Variants in ZCWPW2 observed in about 807,000 individuals in gnomAD.
ZCWPW2 encodes zinc finger CW-type PWWP domain protein 2.
In ZCWPW2, 45 loss-of-function variants were observed where a neutral mutation model predicts 46.6. The ratio of observed to expected loss-of-function variants is 0.96; its 90% CI spans 0.76 to 1.24. The LOEUF is 1.24. Ranked by LOEUF, ZCWPW2 falls within the 50% of genes most tolerant of loss-of-function variation. The pLI is 0.00. For synonymous variants in ZCWPW2, 152 were observed against 137.1 expected (o/e 1.11, Z -0.76); for missense variants, 429 against 403.9 (o/e 1.06, Z -0.53).
intron 1 of ZCWPW2, among the ~76,000 whole-genome samples, chr3:28,365,125 T>C (rs1444874054): frequency 6.6e-6 from 1 of 151,342 alleles, no homozygotes; most frequent in African/African-American, 2.4e-5. Context: ...GTAGTTTCTT[T>C]TGCTGTGCAG....
intron 4 of ZCWPW2, among the ~76,000 whole-genome samples, chr3:28,435,635 G>A (rs1415170125): frequency 6.6e-6 from 1 of 151,678 alleles, no homozygotes; most frequent in Non-Finnish European, 1.5e-5. Flanking sequence ...ACAGGTGCCC[G>A]CCACCATGCA....
At chr3:28,493,123 A>ATTTTT (rs1431021460) in intron 6 of ZCWPW2, among the ~76,000 whole-genome samples, 2 of 52,754 alleles carry the variant, frequency 3.8e-5, no homozygotes, top group African/African-American at 7.6e-5. Flanking sequence ...GTTTATCTTT[A>ATTTTT]TTTTTTTTTA....
At chr3:28,396,957 C>T (rs112340993) in intron 2 of ZCWPW2, among the ~76,000 whole-genome samples, 3,121 of 151,838 alleles carry the variant, frequency 0.021, 106 homozygotes, top group African/African-American at 0.062. Flanking sequence ...GGCAAAACTC[C>T]GTCTCTATTA....
At chr3:28,449,636 A>G (rs1328250364) in intron 4 of ZCWPW2, among the ~76,000 whole-genome samples, 4 of 152,170 alleles carry the variant, frequency 2.6e-5, no homozygotes, top group Non-Finnish European at 4.4e-5. Context: ...TGTATTTAGT[A>G]ACACCAAACT....
chr3:28,404,068 A>G (rs1696056788), intron 2 of ZCWPW2, among the ~76,000 whole-genome samples: 1 of 152,116 alleles, frequency 6.6e-6, no homozygotes, highest in Non-Finnish European at 1.5e-5. Flanking sequence ...GAGCTTTTGT[A>G]TGGCAAAGGA....
At chr3:28,446,027 G>A (rs1223607340) in intron 4 of ZCWPW2, among the ~76,000 whole-genome samples, 1 of 151,982 alleles carries the variant, frequency 6.6e-6, no homozygotes, top group Non-Finnish European at 1.5e-5. Flanking sequence ...AACATATGAA[G>A]CAAAATCTTC....
chr3:28,384,084 C>T (rs902873982), intron 1 of ZCWPW2, among the ~76,000 whole-genome samples: 1 of 152,070 alleles, frequency 6.6e-6, no homozygotes, highest in South Asian at 2.1e-4. Context: ...CATTTTCCTC[C>T]ATATTTTAAA....
At chr3:28,360,290 G>T (rs1704888819) in intron 1 of ZCWPW2, among the ~76,000 whole-genome samples, 1 of 139,620 alleles carries the variant, frequency 7.2e-6, no homozygotes, top group African/African-American at 2.7e-5. Flanking sequence ...TGGATCACGA[G>T]ATCAGAAGAT....
intron 1 of ZCWPW2, among the ~76,000 whole-genome samples, chr3:28,383,526 G>A (rs961360807): frequency 5.9e-5 from 9 of 151,930 alleles, no homozygotes; most frequent in African/African-American, 2.2e-4. Context: ...TGTAAAATGG[G>A]CATTTGGTGT....
At position 28,524,807 on chromosome 3, in the gene ZCWPW2, C is replaced by T. The variant is rs144499014; in HGVS notation, c.*119C>T. The T allele has an allele frequency of 5.9e-5, 50 of 850,716 alleles. 1 individual carries two copies. The highest frequency in any genetic ancestry group is 4.1e-4 in the African/African-American group (23 of 56,238). 52.7% of individuals were successfully genotyped at this position (850,716 alleles called of 1,614,324 possible). On this transcript the variant is annotated 3_prime_UTR_variant, in exon 10 of 10. Coordinates refer to ENST00000383768, the MANE Select transcript of ZCWPW2 (RefSeq NM_001040432.4). ...TAAATTATACCAAAGTTTATATTTG[C>T]GGTAACTTTCTACTTCATATTTTGA... is the stretch of plus-strand genomic sequence containing the variant.
intron 1 of ZCWPW2, among the ~76,000 whole-genome samples, chr3:28,382,469 C>T (rs1695141764): frequency 6.6e-6 from 1 of 152,050 alleles, no homozygotes; most frequent in Admixed American, 6.6e-5. Context: ...ACCCTAACTC[C>T]AAGTAGAGTA....
intron 6 of ZCWPW2, among the ~76,000 whole-genome samples, chr3:28,502,844 T>C (rs1700184478): frequency 6.6e-6 from 1 of 152,136 alleles, no homozygotes; most frequent in African/African-American, 2.4e-5. Context: ...GAGCGGTTTG[T>C]CTGAGAAAAT....
chr3:28,377,372 C>T (rs1304156967), intron 1 of ZCWPW2, among the ~76,000 whole-genome samples: 1 of 151,936 alleles, frequency 6.6e-6, no homozygotes, highest in Non-Finnish European at 1.5e-5. Flanking sequence ...CGTTATTACT[C>T]TTTGTTAGGA....
At chr3:28,376,573 G>A (rs1041624241) in intron 1 of ZCWPW2, among the ~76,000 whole-genome samples, 3 of 152,052 alleles carry the variant, frequency 2.0e-5, no homozygotes, top group Non-Finnish European at 4.4e-5. Flanking sequence ...GAACATAGAA[G>A]TCTGATTCTC....
At position 28,390,624 on chromosome 3, in the gene ZCWPW2, A is replaced by G. The variant is rs1695449090; in HGVS notation, c.-14+7A>G. The G allele has an allele frequency of 1.0e-6, 1 of 985,328 alleles. No individual in the cohort carries two copies. Among genetic ancestry groups the G allele is most frequent in the African/African-American group, 1.7e-5 (1 of 57,260 alleles). 61.0% of individuals were successfully genotyped at this position (985,328 alleles called of 1,614,324 possible). On this transcript the variant is annotated splice_region_variant and intron_variant, in intron 2 of 9. Transcript: ENST00000383768. Reference sequence around the variant, plus strand: ...AAAAGAAAAGTCTAACTCCGTAAGTACTTGAGAAACTCCAAAATGTTTTTC... The same window carrying G: ...AAAAGAAAAGTCTAACTCCGTAAGTGCTTGAGAAACTCCAAAATGTTTTTC...
intron 4 of ZCWPW2, among the ~76,000 whole-genome samples, chr3:28,445,589 T>TA (rs1480809552): frequency 6.6e-6 from 1 of 151,860 alleles, no homozygotes; most frequent in Non-Finnish European, 1.5e-5. Flanking sequence ...TGTTTCAGTA[T>TA]AAAAAATTAA....
chr3:28,464,265 C>G (rs565366705), intron 4 of ZCWPW2, among the ~76,000 whole-genome samples: 329 of 152,124 alleles, frequency 2.2e-3, no homozygotes, highest in Middle Eastern at 0.017. Flanking sequence ...CTGGAATGGC[C>G]AGCATTATTC....
At position 28,349,091 on chromosome 3, in the gene ZCWPW2, G is replaced by A. The variant is rs940118763; in HGVS notation, c.-246G>A. On this transcript the variant is annotated 5_prime_UTR_variant, in exon 1 of 10. Coordinates refer to ENST00000383768, the MANE Select transcript of ZCWPW2 (RefSeq NM_001040432.4). Reference sequence around the variant, plus strand: ...CGTTAGCGAAGCCAGGTTCGGTCGTGGGGGTGGGGAAGTGCAGGAGTGGCG... The same window carrying A: ...CGTTAGCGAAGCCAGGTTCGGTCGTAGGGGTGGGGAAGTGCAGGAGTGGCG... 1.2e-5 allele frequency: 12 copies of A among 985,626 alleles called. No homozygotes were observed. Among genetic ancestry groups the A allele is most frequent in the African/African-American group, 3.5e-5 (2 of 57,240 alleles). The allele number at this position is 985,626 out of a possible 1,614,324, so 61.1% of individuals were successfully genotyped here.
intron 8 of ZCWPW2, among the ~76,000 whole-genome samples, chr3:28,518,312 T>C (rs2125837143): frequency 6.6e-6 from 1 of 151,722 alleles, no homozygotes; most frequent in East Asian, 1.9e-4. Context: ...AGATAATCAG[T>C]GTTGACAGAA....
Sources: gnomAD v4.1 joint callset for allele counts (sites outside exome capture counted in the v4.1 genomes callset) on GRCh38, gnomAD v4.1.1 for gene constraint, MANE v1.5 for transcripts, NCBI Gene and HGNC (gene_info 2026-07-23, HGNC 2026-07-21) for gene names.